Variants in ANO2 observed in about 807,000 individuals in gnomAD.
ANO2 encodes the protein anoctamin 2.
Under a neutral mutation model 124.2 loss-of-function variants are expected in ANO2, and 101 were observed. That is an observed-to-expected ratio of 0.81 (90% CI 0.69 to 0.96). The LOEUF (loss-of-function observed/expected upper bound fraction) is 0.96, where lower values mean the gene tolerates loss of function less well. Ranked by LOEUF, ANO2 falls within the 40% of genes least tolerant of loss-of-function variation. The probability of loss-of-function intolerance (pLI) is 0.00; values close to 1 mark genes in which losing one functional copy is unlikely to be tolerated. For missense variants in ANO2, 1,293 were observed against 1,274.5 expected (o/e 1.01, Z -0.22); for synonymous variants, 486 against 482.5 (o/e 1.01, Z -0.09).
intron 4 of ANO2, among the ~76,000 whole-genome samples, chr12:5,834,453 T>C (rs1329178608): frequency 6.6e-6 from 1 of 152,080 alleles, no homozygotes; most frequent in African/African-American, 2.4e-5. Context: ...ACTTTGAGGG[T>C]TCAAAGAAAG....
chr12:5,809,537 A>C (rs905130057), intron 7 of ANO2, among the ~76,000 whole-genome samples: 1 of 152,178 alleles, frequency 6.6e-6, no homozygotes, highest in Admixed American at 6.5e-5. Context: ...CTCATCTGCT[A>C]ATTCTCAGCT....
chr12:5,759,106 A>G (rs907459974), intron 10 of ANO2, among the ~76,000 whole-genome samples: 1 of 151,630 alleles, frequency 6.6e-6, no homozygotes, highest in Non-Finnish European at 1.5e-5. Flanking sequence ...GAAAGAACAG[A>G]GAAGAATATT....
chr12:5,616,133 A>G (rs1050301275), intron 16 of ANO2, among the ~76,000 whole-genome samples: 2 of 152,218 alleles, frequency 1.3e-5, no homozygotes, highest in African/African-American at 2.4e-5. Flanking sequence ...ATGGCATGAC[A>G]AGGACAAGAG....
chr12:5,706,230 G>C (rs1220383549), intron 14 of ANO2, among the ~76,000 whole-genome samples: 1 of 152,116 alleles, frequency 6.6e-6, no homozygotes, highest in Non-Finnish European at 1.5e-5. Flanking sequence ...TTATGTTTCT[G>C]TATAAAACTC....
At position 5,578,065 on chromosome 12, in the gene ANO2, A is replaced by G. The variant is rs138202313; in HGVS notation, c.2387-58T>C. On this transcript the variant is annotated intron_variant, in intron 21 of 24. Transcript: ENST00000682330. ...TCCCGCCCTCGGCCCAGTGATGACAACGCTGAAGCTCCAGGTGATGTTTTG... is the reference window on the plus strand; with the variant it reads ...TCCCGCCCTCGGCCCAGTGATGACAGCGCTGAAGCTCCAGGTGATGTTTTG... 87 of 1,558,338 alleles carry G rather than the reference A, an allele frequency of 5.6e-5. 1 individual carries two copies. The African/African-American group carries it at 9.1e-4, about 16-fold the overall frequency.
At chr12:5,602,412 A>G in intron 19 of ANO2, among the ~76,000 whole-genome samples, 2 of 152,018 alleles carry the variant, frequency 1.3e-5, no homozygotes, top group African/African-American at 2.4e-5. Flanking sequence ...CACCAGGCCC[A>G]GCTAATATTT....
intron 15 of ANO2, among the ~76,000 whole-genome samples, chr12:5,640,826 A>G (rs535979519): frequency 3.9e-4 from 60 of 152,350 alleles, no homozygotes; most frequent in Non-Finnish European, 6.6e-4. Flanking sequence ...CGATTCCTCA[A>G]GGATCTAGAA....
chr12:5,923,039 C>A (rs999621559), intron 1 of ANO2, among the ~76,000 whole-genome samples: 1 of 146,040 alleles, frequency 6.8e-6, no homozygotes. Context: ...CATACACACA[C>A]ATGCACGCAC....
chr12:5,940,077 GGATGGATGGATGGATA>G (rs1426477438), intron 1 of ANO2, among the ~76,000 whole-genome samples: 3 of 150,726 alleles, frequency 2.0e-5, no homozygotes, highest in Admixed American at 6.6e-5. Context: ...ATGGATGGAT[GGATGGATGGATGGATA>G]GATGGATGGA....
At chr12:5,868,746 T>C (rs1955497641) in intron 3 of ANO2, among the ~76,000 whole-genome samples, 1 of 152,296 alleles carries the variant, frequency 6.6e-6, no homozygotes, top group Non-Finnish European at 1.5e-5. Context: ...GCCATGACCC[T>C]GCATGCACAC....
intron 16 of ANO2, among the ~76,000 whole-genome samples, chr12:5,634,707 G>C (rs1047031455): frequency 6.6e-6 from 1 of 152,114 alleles, no homozygotes; most frequent in African/African-American, 2.4e-5. Flanking sequence ...GACAATACGG[G>C]GATAGATAAG....
chr12:5,750,368 C>T (rs975477655), intron 11 of ANO2, among the ~76,000 whole-genome samples: 1 of 152,202 alleles, frequency 6.6e-6, no homozygotes, highest in East Asian at 1.9e-4. Flanking sequence ...CTGTGCCTTC[C>T]TCAGCATTAG....
At chr12:5,786,156 T>A (rs1327937433) in intron 10 of ANO2, among the ~76,000 whole-genome samples, 2 of 151,968 alleles carry the variant, frequency 1.3e-5, no homozygotes, top group African/African-American at 2.4e-5. Context: ...CAATCCCTGG[T>A]TCAACTTGAC....
intron 17 of ANO2, among the ~76,000 whole-genome samples, chr12:5,613,831 C>A (rs1944664869): frequency 6.6e-6 from 1 of 152,258 alleles, no homozygotes. Context: ...CCTCAGGATC[C>A]TTTTTTCTTG....
chr12:5,839,694 T>A (rs530000761), intron 4 of ANO2: 1 of 453,024 alleles, frequency 2.2e-6, no homozygotes, highest in Non-Finnish European at 4.4e-6. Context: ...TATGGAATGT[T>A]TTGCAGTGTA....
chr12:5,615,911 A>C (rs778371374), intron 16 of ANO2, among the ~76,000 whole-genome samples: 4 of 152,164 alleles, frequency 2.6e-5, no homozygotes, highest in African/African-American at 4.8e-5. Flanking sequence ...AGACAAGATG[A>C]GTGAAACAAA....
At chr12:5,921,933 C>G (rs1168142442) in intron 2 of ANO2, among the ~76,000 whole-genome samples, 1 of 152,162 alleles carries the variant, frequency 6.6e-6, no homozygotes, top group East Asian at 1.9e-4. Context: ...TATATTTAAA[C>G]ACAGAATACT....
intron 3 of ANO2, among the ~76,000 whole-genome samples, chr12:5,864,456 G>A (rs1174883498): frequency 6.6e-6 from 1 of 152,222 alleles, no homozygotes; most frequent in African/African-American, 2.4e-5. Flanking sequence ...AAAGACCCAA[G>A]GAAAATGCTG....
At chr12:5,691,990 T>C (rs1948964348) in intron 14 of ANO2, among the ~76,000 whole-genome samples, 4 of 152,028 alleles carry the variant, frequency 2.6e-5, no homozygotes, top group Admixed American at 2.6e-4. Flanking sequence ...TTGTGAGGCC[T>C]GGTGGGCTAT....
Sources: gnomAD v4.1 joint callset for allele counts (sites outside exome capture counted in the v4.1 genomes callset) on GRCh38, gnomAD v4.1.1 for gene constraint, MANE v1.5 for transcripts, NCBI Gene and HGNC (gene_info 2026-07-23, HGNC 2026-07-21) for gene names.